The following C12orf50 variants were observed in gnomAD, a reference collection of about 807,000 sequenced individuals.
The protein encoded by C12orf50 is uncharacterized protein C12orf50.
In C12orf50, 35 loss-of-function variants were observed where a neutral mutation model predicts 61.6. The ratio of observed to expected loss-of-function variants is 0.57; its 90% CI spans 0.43 to 0.75. The LOEUF (loss-of-function observed/expected upper bound fraction) is 0.75. C12orf50 is among the 30% of genes least tolerant of loss of function. C12orf50 has a pLI of 0.00. For missense variants in C12orf50, 475 were observed against 488.5 expected (o/e 0.97, Z 0.26); for synonymous variants, 178 against 161.5 (o/e 1.10, Z -0.77).
chr12:87,987,523 C>T (rs537066483), intron 9 of C12orf50, among the ~76,000 whole-genome samples: 24 of 152,120 alleles, frequency 1.6e-4, no homozygotes, highest in African/African-American at 5.5e-4. Context: ...AAAAATAATC[C>T]AAAACATAAT....
chr12:87,982,810 A>G (rs2030571888), intron 12 of C12orf50, among the ~76,000 whole-genome samples: 1 of 152,180 alleles, frequency 6.6e-6, no homozygotes, highest in East Asian at 1.9e-4. Context: ...AAAAAAAAAA[A>G]AAATGCATCT....
chr12:88,020,248 C>T (rs1035298302), intron 3 of C12orf50, among the ~76,000 whole-genome samples: 4 of 152,142 alleles, frequency 2.6e-5, no homozygotes, highest in African/African-American at 9.7e-5. Flanking sequence ...GAGTTGCAAG[C>T]TCGATAAAGA....
chr12:88,013,555 G>A (rs2032192996), intron 3 of C12orf50, among the ~76,000 whole-genome samples: 2 of 152,124 alleles, frequency 1.3e-5, no homozygotes, highest in South Asian at 2.1e-4. Flanking sequence ...AATGAAGTGT[G>A]AGGATATTTG....
chr12:87,984,995 A>AG (rs1170423708), intron 11 of C12orf50: 1 of 152,128 alleles, frequency 6.6e-6, no homozygotes, highest in African/African-American at 2.4e-5. Flanking sequence ...TAAAGCAAAA[A>AG]GAAAAATAAT....
intron 3 of C12orf50, among the ~76,000 whole-genome samples, chr12:88,015,303 C>G (rs764885251): frequency 2.0e-5 from 3 of 152,162 alleles, no homozygotes; most frequent in Non-Finnish European, 4.4e-5. Context: ...AATTTATTAG[C>G]AAGTGGCTTT....
At chr12:88,010,577 C>A (rs978595224) in intron 3 of C12orf50, among the ~76,000 whole-genome samples, 1 of 150,668 alleles carries the variant, frequency 6.6e-6, no homozygotes, top group African/African-American at 2.4e-5. Context: ...ACTTTTAAAG[C>A]CAATATTGAT....
intron 8 of C12orf50, among the ~76,000 whole-genome samples, chr12:87,988,486 T>A (rs938468336): frequency 6.6e-6 from 1 of 152,168 alleles, no homozygotes; most frequent in African/African-American, 2.4e-5. Context: ...TTTTATTTTA[T>A]TCAGCTTTAA....
At chr12:88,026,668 A>C (rs529248080) in intron 2 of C12orf50, 60 bp from the exon 3 acceptor site, 230 of 1,580,166 alleles carry the variant, frequency 1.5e-4, no homozygotes, top group South Asian at 1.2e-3. Flanking sequence ...CAACAAATAC[A>C]ATGTGCTACA....
At chr12:88,023,688 A>G (rs1198071224) in intron 3 of C12orf50, among the ~76,000 whole-genome samples, 1 of 151,698 alleles carries the variant, frequency 6.6e-6, no homozygotes, top group African/African-American at 2.4e-5. Context: ...AAAAGACTTA[A>G]AAAACCCTGG....
At chr12:88,016,131 G>A (rs1043664034) in intron 3 of C12orf50, among the ~76,000 whole-genome samples, 1 of 152,008 alleles carries the variant, frequency 6.6e-6, no homozygotes, top group African/African-American at 2.4e-5. Context: ...TCATCAAGCA[G>A]AAGCCCTAAA....
intron 3 of C12orf50, among the ~76,000 whole-genome samples, chr12:87,999,801 A>G (rs2031574932): frequency 6.6e-6 from 1 of 152,172 alleles, no homozygotes. Context: ...TGATAAATGG[A>G]TAAATAAAAT....
At chr12:87,996,303 C>A in intron 6 of C12orf50, 71 bp downstream of exon 6, 1 of 1,048,228 alleles carries the variant, frequency 9.5e-7, no homozygotes, top group Non-Finnish European at 1.5e-6. Context: ...GTACATCATA[C>A]TAAATAATTC....
intron 3 of C12orf50, among the ~76,000 whole-genome samples, chr12:88,020,253 T>C (rs2032465502): frequency 6.6e-6 from 1 of 152,174 alleles, no homozygotes; most frequent in Non-Finnish European, 1.5e-5. Context: ...GCAAGCTCGA[T>C]AAAGAAGCAA....
At chr12:87,987,729 T>C (rs11104705) in intron 9 of C12orf50, 121 bp downstream of exon 9, 65,832 of 684,828 alleles carry the variant, frequency 0.096, 3,583 homozygotes, top group African/African-American at 0.16. Context: ...TAATTCTTAG[T>C]TCTGAATAAT....
chr12:87,990,311 T>A (rs1465818313), intron 7 of C12orf50, among the ~76,000 whole-genome samples: 6 of 152,168 alleles, frequency 3.9e-5, no homozygotes, highest in Admixed American at 1.3e-4. Context: ...TTTGAACATA[T>A]CATCCTTTAT....
intron 1 of C12orf50, chr12:88,027,699 T>A (rs1056638555): frequency 6.6e-6 from 1 of 152,216 alleles, no homozygotes; most frequent in Admixed American, 6.5e-5. Context: ...AAAGTAGATG[T>A]GGATTGTTTT....
intron 8 of C12orf50, among the ~76,000 whole-genome samples, chr12:87,988,304 A>G (rs2030942182): frequency 6.6e-6 from 1 of 152,146 alleles, no homozygotes; most frequent in African/African-American, 2.4e-5. Flanking sequence ...TTCTGAAAAT[A>G]TTTCAAATGT....
At chr12:88,025,101 C>A (rs2032653471) in intron 3 of C12orf50, among the ~76,000 whole-genome samples, 1 of 151,930 alleles carries the variant, frequency 6.6e-6, no homozygotes, top group African/African-American at 2.4e-5. Context: ...ATGGAGAATT[C>A]CATAAATAAA....
chr12:88,005,145 T>C (rs2031808207), intron 3 of C12orf50, among the ~76,000 whole-genome samples: 1 of 152,246 alleles, frequency 6.6e-6, no homozygotes, highest in Admixed American at 6.5e-5. Context: ...TTTCTGTTTC[T>C]TTGCATGTCT....
Sources: gnomAD v4.1 joint callset for allele counts (sites outside exome capture counted in the v4.1 genomes callset) on GRCh38, gnomAD v4.1.1 for gene constraint, MANE v1.5 for transcripts, NCBI Gene and HGNC (gene_info 2026-07-23, HGNC 2026-07-21) for gene names.